The following ZNF469 variants were observed in gnomAD, a reference collection of about 807,000 sequenced individuals.
ZNF469 encodes the protein zinc finger protein 469.
ZNF469 carries 1 observed loss-of-function variant against 1.0 expected under a neutral mutation model. The observed-to-expected ratio is 1.00, with a 90% CI of 0.35 to 4.73. ZNF469 has a LOEUF of 4.73. Ranked by LOEUF, ZNF469 falls within the 30% of genes most tolerant of loss-of-function variation. The probability of loss-of-function intolerance (pLI) is 0.16; values close to 1 mark genes in which losing one functional copy is unlikely to be tolerated. For synonymous variants in ZNF469, 2,703 were observed against 2,363.4 expected, an observed-to-expected ratio of 1.14 and a Z score of -4.17; for missense variants, 6,100 against 5,356.3, an observed-to-expected ratio of 1.14 and a Z score of -4.33.
At chr16:88,231,576 A>T in the ZNF469 span, among the ~76,000 whole-genome samples, 4 of 151,462 alleles carry the variant, frequency 2.6e-5, no homozygotes, top group Non-Finnish European at 1.5e-5. The surrounding 1 kb of genome is among the most constrained non-coding windows in gnomAD (Gnocchi z 4.5). Flanking sequence ...TCCTTTTCTT[A>T]CCTTTGTGGC....
chr16:88,410,225 C>A (rs1305293377), intron 1 of ZNF469, among the ~76,000 whole-genome samples: 1 of 147,176 alleles, frequency 6.8e-6, no homozygotes, highest in Non-Finnish European at 1.5e-5. Flanking sequence ...AGACAGTTCA[C>A]GGTGACGTCT....
chr16:88,177,486 C>G, the ZNF469 span: 4 of 152,152 alleles, frequency 2.6e-5, no homozygotes, highest in Non-Finnish European at 1.5e-5. This position sits in a 1 kb window ranked among gnomAD's most constrained non-coding sequence, Gnocchi z 4.8. Flanking sequence ...GCGACATGTT[C>G]TAAAGTTACT....
the ZNF469 span, among the ~76,000 whole-genome samples, chr16:88,351,771 G>C: frequency 1.3e-5 from 2 of 152,278 alleles, no homozygotes; most frequent in South Asian, 4.2e-4. Context: ...GGGGCTCCAG[G>C]GTTTGAGGCC....
At chr16:88,147,154 G>A in the ZNF469 span, among the ~76,000 whole-genome samples, 1 of 152,062 alleles carries the variant, frequency 6.6e-6, no homozygotes, top group Non-Finnish European at 1.5e-5. Context: ...GCAGAAGGAC[G>A]AGGCCACGGA....
chr16:88,126,259 G>A, the ZNF469 span, among the ~76,000 whole-genome samples: 1 of 145,396 alleles, frequency 6.9e-6, no homozygotes, highest in Non-Finnish European at 1.5e-5. Context: ...TGTAGATAAT[G>A]CAGTTTTATT....
chr16:88,103,792 G>A, the ZNF469 span, among the ~76,000 whole-genome samples: 14 of 151,256 alleles, frequency 9.3e-5, no homozygotes, highest in South Asian at 4.2e-4. Context: ...GTGGCATGGG[G>A]GGTTGGTGGG....
rs1019740454 is a variant in ZNF469 at position 88,440,223 on chromosome 16, C to G, written c.*891C>G. 4 of 151,486 alleles carry G rather than the reference C, an allele frequency of 2.6e-5. No homozygotes were observed. The highest frequency in any genetic ancestry group is 4.4e-5 in the Non-Finnish European group (3 of 67,946). 9.4% of individuals were successfully genotyped at this position (151,486 alleles called of 1,614,324 possible). A position where few individuals can be genotyped will look rare whatever the true frequency, so the allele number is the denominator to read the frequency against. ...TTTTTAATGGGGGTATTGGGTGGGA[C>G]AGACGGGGTCAGGGAGGCCCCACCA... On this transcript the variant is annotated 3_prime_UTR_variant, in exon 3 of 3. Coordinates refer to ENST00000565624, the MANE Select transcript of ZNF469 (RefSeq NM_001367624.2).
the ZNF469 span, among the ~76,000 whole-genome samples, chr16:88,179,341 C>G: frequency 2.6e-5 from 4 of 152,158 alleles, no homozygotes; most frequent in Non-Finnish European, 5.9e-5. Flanking sequence ...GTTAAAAGAG[C>G]GTGGCCCCTC....
the ZNF469 span, chr16:88,195,278 C>G: frequency 2.0e-5 from 3 of 152,256 alleles, no homozygotes; most frequent in African/African-American, 7.2e-5. Flanking sequence ...GAGCTAAAAG[C>G]AGGAGGCGGC....
Position 88,436,077 on chromosome 16 carries a change from G to C in ZNF469, c.8607G>C (p.Leu2869Phe), listed in dbSNP as rs1282257986. The C allele has an allele frequency of 6.5e-7, 1 of 1,549,930 alleles. No individual in the cohort carries two copies. The highest frequency in any genetic ancestry group is 8.7e-7 in the Non-Finnish European group (1 of 1,146,978). Reference protein sequence around the residue: ...FSQLFPPGGRLTRKRNPHVYG... With the variant: ...FSQLFPPGGRFTRKRNPHVYG... ...AGCTCTTCCCTCCAGGCGGTCGCTTGACTAGAAAGAGGAACCCGCATGTCT... is the reference window on the plus strand; with the variant it reads ...AGCTCTTCCCTCCAGGCGGTCGCTTCACTAGAAAGAGGAACCCGCATGTCT... Residue 2869 changes from leucine (L) to phenylalanine (F), a missense_variant, in exon 3 of 3, where the codon TTG becomes TTC. Coordinates refer to ENST00000565624, the MANE Select transcript of ZNF469 (RefSeq NM_001367624.2).
At chr16:88,342,508 C>T in the ZNF469 span, among the ~76,000 whole-genome samples, 9 of 152,330 alleles carry the variant, frequency 5.9e-5, no homozygotes, top group East Asian at 1.2e-3. Context: ...CTCTGATGCA[C>T]GGTGGGGGCC....
the ZNF469 span, among the ~76,000 whole-genome samples, chr16:88,359,966 AT>A: frequency 1.3e-4 from 20 of 152,218 alleles, no homozygotes; most frequent in Admixed American, 1.3e-3. Context: ...ATACTTCAAC[AT>A]GTACATCATT....
upstream of ZNF469, among the ~76,000 whole-genome samples, chr16:88,381,070 G>GGA (rs2092522357): frequency 1.8e-5 from 1 of 56,310 alleles, no homozygotes; most frequent in Non-Finnish European, 3.6e-5. Context: ...TCACACACAG[G>GGA]CATGCACTCA....
At chr16:88,116,280 A>G in the ZNF469 span, among the ~76,000 whole-genome samples, 5 of 152,020 alleles carry the variant, frequency 3.3e-5, no homozygotes, top group Non-Finnish European at 5.9e-5. Flanking sequence ...GGATTGCCAC[A>G]CCCCCATGAG....
At chr16:88,411,506 A>G (rs1339309086) in intron 1 of ZNF469, among the ~76,000 whole-genome samples, 8 of 13,872 alleles carry the variant, frequency 5.8e-4, no homozygotes, top group African/African-American at 1.1e-3. Context: ...GCAGGGGTGC[A>G]AGCAGGCAGG....
At chr16:88,220,846 C>T in the ZNF469 span, among the ~76,000 whole-genome samples, 1 of 152,208 alleles carries the variant, frequency 6.6e-6, no homozygotes, top group Non-Finnish European at 1.5e-5. Flanking sequence ...CCCAAATTAA[C>T]TCTGGGCGTT....
the ZNF469 span, among the ~76,000 whole-genome samples, chr16:88,206,691 C>T: frequency 1.3e-5 from 2 of 150,700 alleles, no homozygotes; most frequent in East Asian, 2.0e-4. Flanking sequence ...TTTAAAACCT[C>T]GATGGCTTTG....
chr16:88,333,028 C>T, the ZNF469 span, among the ~76,000 whole-genome samples: 2 of 152,214 alleles, frequency 1.3e-5, no homozygotes, highest in Non-Finnish European at 1.5e-5. Context: ...CCAGGACACA[C>T]CCCGTGGGTC....
the ZNF469 span, among the ~76,000 whole-genome samples, chr16:88,347,280 C>A: frequency 5.9e-5 from 9 of 152,184 alleles, no homozygotes; most frequent in African/African-American, 1.4e-4. Flanking sequence ...AGGGCCCCAC[C>A]CCCACACCCG....
Sources: gnomAD v4.1 joint callset for allele counts (sites outside exome capture counted in the v4.1 genomes callset) on GRCh38, gnomAD v4.1.1 for gene constraint, Gnocchi (gnomAD v3.1) non-coding constraint, MANE v1.5 for transcripts, NCBI Gene and HGNC (gene_info 2026-07-23, HGNC 2026-07-21) for gene names.